The following STK32B variants were observed in gnomAD, a reference collection of about 807,000 sequenced individuals.
The protein encoded by STK32B is serine/threonine kinase 32B.
Under a neutral mutation model 52.6 loss-of-function variants are expected in STK32B, and 43 were observed. The observed-to-expected ratio is 0.82, with a 90% CI of 0.64 to 1.05. STK32B has a LOEUF of 1.05. Among genes scored for constraint, STK32B ranks in the 50% least tolerant of loss-of-function variants. STK32B has a pLI of 0.00. For synonymous variants in STK32B, 238 were observed against 204.3 expected (o/e 1.17, Z -1.41); for missense variants, 621 against 534.6 (o/e 1.16, Z -1.59).
In STK32B at chr4:5,304,919, T is replaced by C. The variant is rs1194497381; in HGVS notation, c.261-26301T>C. On this transcript the variant is annotated intron_variant, in intron 3 of 11. Transcript: ENST00000282908. ...TAAAGCATTGATGGATTTTGTCAAA[T>C]GCTTTTTCTGCATCTATTGAGATGA... is the stretch of plus-strand genomic sequence containing the variant. 5.9e-5 allele frequency among the ~76,000 whole-genome samples: 9 copies of C among 152,234 alleles called. No individual in the cohort carries two copies. The South Asian group carries it at 1.7e-3, about 28-fold the overall frequency.
intron 3 of STK32B, among the ~76,000 whole-genome samples, chr4:5,317,140 A>C (rs1290327938): frequency 1.6e-5 from 1 of 63,352 alleles, no homozygotes; most frequent in Non-Finnish European, 2.3e-5. Flanking sequence ...TATATAATAT[A>C]TATGTATAAT....
At chr4:5,328,740 T>C (rs547663868) in intron 3 of STK32B, among the ~76,000 whole-genome samples, 3 of 152,220 alleles carry the variant, frequency 2.0e-5, no homozygotes, top group Admixed American at 6.5e-5. Flanking sequence ...AAATTGACAC[T>C]GATAGACTTA....
At chr4:5,485,262 A>T (rs2109209543) in intron 11 of STK32B, among the ~76,000 whole-genome samples, 1 of 152,162 alleles carries the variant, frequency 6.6e-6, no homozygotes, top group South Asian at 2.1e-4. Context: ...ACAAAGTCTC[A>T]TATTTCTTGG....
At chr4:5,493,215 C>A (rs934086986) in intron 11 of STK32B, among the ~76,000 whole-genome samples, 1 of 152,010 alleles carries the variant, frequency 6.6e-6, no homozygotes, top group Non-Finnish European at 1.5e-5. Context: ...GTCCTGGACT[C>A]TTTTTTCTTG....
At chr4:5,495,295 A>G (rs1290577463) in intron 11 of STK32B, among the ~76,000 whole-genome samples, 2 of 151,986 alleles carry the variant, frequency 1.3e-5, no homozygotes, top group African/African-American at 4.8e-5. Flanking sequence ...TTTTTTCTCT[A>G]AACTTCCCTT....
intron 1 of STK32B, among the ~76,000 whole-genome samples, chr4:5,080,116 C>T (rs968151753): frequency 3.9e-5 from 6 of 152,012 alleles, no homozygotes; most frequent in African/African-American, 9.7e-5. Flanking sequence ...CTTCTCATTA[C>T]ACCATAACTA....
intron 6 of STK32B, among the ~76,000 whole-genome samples, chr4:5,434,283 A>T (rs1454126690): frequency 6.6e-6 from 1 of 152,176 alleles, no homozygotes; most frequent in African/African-American, 2.4e-5. Flanking sequence ...GCAAAACCAT[A>T]TTTATTATCC....
chr4:5,157,299 T>G (rs371843328), intron 2 of STK32B, among the ~76,000 whole-genome samples: 2 of 101,570 alleles, frequency 2.0e-5, no homozygotes, highest in South Asian at 3.4e-4. Flanking sequence ...TGTGAGGATG[T>G]AAAAAAAAAA....
intron 3 of STK32B, among the ~76,000 whole-genome samples, chr4:5,219,779 T>C (rs1723409062): frequency 6.6e-6 from 1 of 152,234 alleles, no homozygotes; most frequent in South Asian, 2.1e-4. Context: ...TGCCCCAGGA[T>C]GCTGTCTTGT....
rs1172031308 is a variant in STK32B at position 5,334,239 on chromosome 4, A to G, written c.434+2846A>G. Among the ~76,000 whole-genome samples, 8 of 151,976 alleles carry G rather than the reference A, an allele frequency of 5.3e-5. No homozygotes were observed. The South Asian group carries it at 6.2e-4, about 12-fold the overall frequency. ...TAGGTATTTTATTGTCTTTGAAGCA[A>G]TTGTGAATGGGAATTCACTCATGAT... On this transcript the variant is annotated intron_variant, in intron 4 of 11. Coordinates refer to ENST00000282908, the MANE Select transcript of STK32B (RefSeq NM_018401.3).
intron 1 of STK32B, among the ~76,000 whole-genome samples, chr4:5,122,556 TTCAC>T (rs1271914404): frequency 7.4e-6 from 1 of 134,866 alleles, no homozygotes; most frequent in Non-Finnish European, 1.5e-5. Flanking sequence ...TACTCACTCA[TTCAC>T]TCACTCACTT....
chr4:5,420,098 T>C (rs192432710), intron 6 of STK32B, among the ~76,000 whole-genome samples: 6 of 152,210 alleles, frequency 3.9e-5, no homozygotes, highest in Non-Finnish European at 8.8e-5. Flanking sequence ...GTTAAGGAAA[T>C]GGAGGCTTAG....
rs942470666 is a variant in STK32B at position 5,279,635 on chromosome 4, G to A, written c.261-51585G>A. ...GCCCCAGTGGGGACTCTGTATTGGA[G>A]CTCCAACCCCACATATCCTGTGTGG... is the stretch of plus-strand genomic sequence containing the variant. On this transcript the variant is annotated intron_variant, in intron 3 of 11. Coordinates refer to ENST00000282908, the MANE Select transcript of STK32B (RefSeq NM_018401.3). 5.9e-5 allele frequency among the ~76,000 whole-genome samples: 9 copies of A among 152,186 alleles called. 1 individual carries two copies. The highest frequency in any genetic ancestry group is 5.9e-4 in the Admixed American group (9 of 15,282).
In STK32B at chr4:5,371,002, A is replaced by ATATATATATATGTATATATATG. The variant is rs1204029655; in HGVS notation, c.435-27196_435-27195insATGTATATATATGTATATATAT. Among the ~76,000 whole-genome samples, 456 of 118,390 alleles carry ATATATATATATGTATATATATG rather than the reference A, an allele frequency of 3.9e-3. 6 individuals carry two copies. The East Asian group carries it at 0.068, about 18-fold the overall frequency. The allele number at this position is 118,390 out of a possible 152,430, so 77.7% of individuals were successfully genotyped here. ...TATATATATGTGTGTGTGTGTATAT[A>ATATATATATATGTATATATATG]TATATATATGTATATATATGTGTAT... On this transcript the variant is annotated intron_variant, in intron 4 of 11. Coordinates refer to ENST00000282908, the MANE Select transcript of STK32B (RefSeq NM_018401.3).
At chr4:5,127,373 G>A (rs1715468366) in intron 1 of STK32B, among the ~76,000 whole-genome samples, 1 of 152,168 alleles carries the variant, frequency 6.6e-6, no homozygotes, top group African/African-American at 2.4e-5. Context: ...AGGGCAGAGG[G>A]AAGAGTTTGG....
At chr4:5,320,608 T>C (rs1731423360) in intron 3 of STK32B, among the ~76,000 whole-genome samples, 1 of 152,120 alleles carries the variant, frequency 6.6e-6, no homozygotes, top group Non-Finnish European at 1.5e-5. Flanking sequence ...AAGAACCAAG[T>C]GTAGTCAGTT....
intron 3 of STK32B, among the ~76,000 whole-genome samples, chr4:5,226,944 A>AT (rs999124174): frequency 2.0e-5 from 3 of 152,068 alleles, no homozygotes; most frequent in East Asian, 3.9e-4. Flanking sequence ...AAAAATACTT[A>AT]TTTTTTTCAA....
chr4:5,443,973 T>G (rs1335234741), intron 6 of STK32B, among the ~76,000 whole-genome samples: 1 of 152,218 alleles, frequency 6.6e-6, no homozygotes, highest in Non-Finnish European at 1.5e-5. Flanking sequence ...GATCTCCAGC[T>G]GCGTGCTGGG....
chr4:5,360,134 C>T (rs889447190), intron 4 of STK32B, among the ~76,000 whole-genome samples: 1 of 152,076 alleles, frequency 6.6e-6, no homozygotes, highest in African/African-American at 2.4e-5. Flanking sequence ...GATAACCCGC[C>T]GTATACCTCT....
Sources: gnomAD v4.1 joint callset for allele counts (sites outside exome capture counted in the v4.1 genomes callset) on GRCh38, gnomAD v4.1.1 for gene constraint, MANE v1.5 for transcripts, NCBI Gene and HGNC (gene_info 2026-07-23, HGNC 2026-07-21) for gene names.